ZNF185: variants seen among roughly 807,000 people sequenced by gnomAD.
The protein encoded by ZNF185 is zinc finger protein 185 with LIM domain, also known as zinc finger protein 185.
A neutral mutation model predicts 58.6 loss-of-function variants in ZNF185; 56 were observed. That is an observed-to-expected ratio of 0.95 (90% CI 0.77 to 1.19). The LOEUF (loss-of-function observed/expected upper bound fraction) is 1.19. Ranked by LOEUF, ZNF185 falls within the 50% of genes most tolerant of loss-of-function variation. The pLI is 0.00. For missense variants in ZNF185, 627 were observed against 573.5 expected, an observed-to-expected ratio of 1.09 and a Z score of -0.95; for synonymous variants, 230 against 215.9, an observed-to-expected ratio of 1.07 and a Z score of -0.57.
At chrX:152,926,162 A>G (rs960228095) in intron 11 of ZNF185, among the ~76,000 whole-genome samples, 11 of 112,525 alleles carry the variant, frequency 9.8e-5, no homozygotes, top group Non-Finnish European at 2.1e-4. Flanking sequence ...CTTCTGGCAC[A>G]GGACAAAACC....
chrX:152,955,831 G>A (rs1418315806), intron 16 of ZNF185, among the ~76,000 whole-genome samples: 1 of 110,127 alleles, frequency 9.1e-6, no homozygotes, highest in Non-Finnish European at 1.9e-5. Context: ...GAACCTGGCA[G>A]TCAGAGGTTG....
intron 17 of ZNF185, among the ~76,000 whole-genome samples, chrX:152,960,445 C>T (rs1432092739): frequency 8.9e-6 from 1 of 111,871 alleles, no homozygotes; most frequent in African/African-American, 3.3e-5. Flanking sequence ...TGAGAGAGAC[C>T]AAGAACCAAG....
At chrX:152,938,276 C>G (rs781895943) in intron 15 of ZNF185, 113 bp downstream of exon 17, 515 of 726,354 alleles carry the variant, frequency 7.1e-4, no homozygotes, top group Non-Finnish European at 9.3e-4. Context: ...GTGAGCTGGC[C>G]TGAGGCACAT....
chrX:152,935,268 C>T (rs1291976442), intron 14 of ZNF185, among the ~76,000 whole-genome samples: 1 of 100,297 alleles, frequency 1.0e-5, no homozygotes, highest in Non-Finnish European at 2.0e-5. Context: ...CGGACTCTTG[C>T]TCTGTCCCCC....
chrX:152,940,075 G>A (rs1019123051), intron 15 of ZNF185, among the ~76,000 whole-genome samples: 5 of 111,582 alleles, frequency 4.5e-5, no homozygotes, highest in Non-Finnish European at 7.5e-5. Flanking sequence ...GAGCCACTGT[G>A]CCTGGCCAAT....
rs1422717358 is a variant in ZNF185, at chrX:152,958,207, C to T, written c.1410-1492C>T. On this transcript the variant is annotated intron_variant, in intron 16 of 22. Transcript: ENST00000449285. ...TTTTCCAGAAGCAATTAATAGGTTC[C>T]ATGGAATGTTGATGGTAAGAAAGGA... Among the ~76,000 whole-genome samples, 3 of 111,582 alleles carry T rather than the reference C, an allele frequency of 2.7e-5. No homozygotes were observed. In the Admixed American group the frequency reaches 2.8e-4, roughly 11 times the overall value.
intron 16 of ZNF185, among the ~76,000 whole-genome samples, chrX:152,953,592 G>C (rs1180158839): frequency 9.0e-6 from 1 of 111,357 alleles, no homozygotes; most frequent in Admixed American, 9.5e-5. Context: ...AGCTACCTGG[G>C]AGGCTGAAGT....
exon 23 of ZNF185, chrX:152,973,250 AGGG>A (rs2050747975): frequency 8.9e-6 from 1 of 112,367 alleles, no homozygotes; most frequent in Non-Finnish European, 1.9e-5. Flanking sequence ...TCTGCCTTTA[AGGG>A]AGTTTTAGAA....
intron 16 of ZNF185, among the ~76,000 whole-genome samples, chrX:152,945,844 A>T (rs782395506): frequency 9.0e-6 from 1 of 111,647 alleles, no homozygotes; most frequent in Admixed American, 9.5e-5. Context: ...AGAAGGACAG[A>T]GTGTGAAAGA....
At chrX:152,907,862 T>C in the ZNF185 span, among the ~76,000 whole-genome samples, 1 of 112,854 alleles carries the variant, frequency 8.9e-6, no homozygotes, top group African/African-American at 3.2e-5. Flanking sequence ...AGCAGGATGA[T>C]ATGGAGATTT....
At chrX:152,920,507 C>A in intron 8 of ZNF185, 96 bp downstream of exon 9, 1 of 997,990 alleles carries the variant, frequency 1.0e-6, no homozygotes, top group Non-Finnish European at 1.4e-6. Context: ...GTGGAGAGAT[C>A]ACCCCCAAGG....
At chrX:152,938,899 T>TAGTA (rs2046765043) in intron 15 of ZNF185, among the ~76,000 whole-genome samples, 1 of 83,033 alleles carries the variant, frequency 1.2e-5, no homozygotes, top group African/African-American at 6.0e-5. Context: ...ACTCAGGCGA[T>TAGTA]CTCCTCTAAA....
At chrX:152,961,521 A>AT (rs1176589121) in intron 17 of ZNF185, among the ~76,000 whole-genome samples, 19 of 109,952 alleles carry the variant, frequency 1.7e-4, no homozygotes, top group Non-Finnish European at 2.7e-4. Flanking sequence ...TTCCCCAGAG[A>AT]TTTTTTTTTC....
chrX:152,941,759 G>A, intron 15 of ZNF185: 1 of 1,164,396 alleles, frequency 8.6e-7, no homozygotes, highest in Non-Finnish European at 1.1e-6. Flanking sequence ...TTGAGGCCAT[G>A]CCCGTGCCGG....
chrX:152,917,978 C>G, intron 5 of ZNF185, 87 bp from the exon 7 acceptor site: 1 of 1,153,947 alleles, frequency 8.7e-7, no homozygotes, highest in East Asian at 3.3e-5. Context: ...TCCTGGTCCA[C>G]CTCTCATGTG....
chrX:152,932,952 A>G, exon 14 of ZNF185: 3 of 1,198,523 alleles, frequency 2.5e-6, no homozygotes, highest in Non-Finnish European at 3.4e-6. Flanking sequence ...TGCAGTAGAC[A>G]TCGGCTCCGA....
At chrX:152,911,213 G>A (rs782238798), upstream of ZNF185, among the ~76,000 whole-genome samples, 2 of 112,042 alleles carry the variant, frequency 1.8e-5, no homozygotes, top group South Asian at 3.7e-4. Flanking sequence ...TTAGCTCGGC[G>A]GAAGTTGGAA....
chrX:152,925,678 G>T (rs1940723883), intron 11 of ZNF185, among the ~76,000 whole-genome samples: 1 of 111,837 alleles, frequency 8.9e-6, no homozygotes, highest in Non-Finnish European at 1.9e-5. Context: ...ACTGGACCAA[G>T]CAGCCACCAT....
At chrX:152,953,010 T>A (rs1311109248) in intron 16 of ZNF185, among the ~76,000 whole-genome samples, 1 of 109,437 alleles carries the variant, frequency 9.1e-6, no homozygotes, top group Non-Finnish European at 1.9e-5. Flanking sequence ...GGCTGGACAG[T>A]CTCATTAGGA....
Sources: gnomAD v4.1 joint callset for allele counts (sites outside exome capture counted in the v4.1 genomes callset) on GRCh38, gnomAD v4.1.1 for gene constraint, MANE v1.5 for transcripts, NCBI Gene and HGNC (gene_info 2026-07-23, HGNC 2026-07-21) for gene names.